The following SLC8B1 variants were observed in gnomAD, a reference collection of about 807,000 sequenced individuals.
SLC8B1 encodes the protein mitochondrial sodium/calcium exchanger protein.
In SLC8B1, 52 loss-of-function variants were observed where a neutral mutation model predicts 63.4. The observed-to-expected ratio is 0.82, with a 90% confidence interval of 0.66 to 1.03. The LOEUF is 1.03. Ranked by LOEUF, SLC8B1 falls within the 50% of genes least tolerant of loss-of-function variation. SLC8B1 has a pLI of 0.00. For missense variants in SLC8B1, 657 were observed against 741.7 expected (o/e 0.89, Z 1.33); for synonymous variants, 336 against 323.9 (o/e 1.04, Z -0.40).
chr12:113,317,345 T>C (rs1356524488), intron 8 of SLC8B1, among the ~76,000 whole-genome samples: 1 of 152,134 alleles, frequency 6.6e-6, no homozygotes, highest in Non-Finnish European at 1.5e-5. Context: ...CGCCTCAGCT[T>C]CCCAAAGTGA....
rs1957077331 is a variant in SLC8B1, at chr12:113,332,950, G to C, written c.-72C>G. 6.4e-7 allele frequency: 1 copy of C among 1,562,192 alleles called. No homozygotes were observed. The highest frequency in any genetic ancestry group is 2.3e-5 in the East Asian group (1 of 44,264). Reference sequence around the variant, plus strand: ...GTAGCTCAGTTCCAAACAGCTGGCGGCTCCGGTGGCCTGCAAGGTGGGAGT... The same window carrying C: ...GTAGCTCAGTTCCAAACAGCTGGCGCCTCCGGTGGCCTGCAAGGTGGGAGT... On this transcript the variant is annotated 5_prime_UTR_variant, in exon 2 of 16. Transcript: ENST00000680972.
chr12:113,315,506 C>T (rs577453194), intron 10 of SLC8B1, 30 bp from the exon 11 acceptor site: 64 of 1,532,174 alleles, frequency 4.2e-5, no homozygotes, highest in South Asian at 1.1e-4. Context: ...GGGAGGGTGT[C>T]GGCAGGGAAG....
In SLC8B1 at chr12:113,334,818, G is replaced by C. The variant is rs1199463821; in HGVS notation, c.-458C>G. The C allele has an allele frequency of 1.3e-5, 2 of 152,226 alleles. No homozygotes were observed. Among genetic ancestry groups the C allele is most frequent in the African/African-American group, 2.4e-5 (1 of 41,446 alleles). 9.4% of individuals were successfully genotyped at this position (152,226 alleles called of 1,614,324 possible). A position where few individuals can be genotyped will look rare whatever the true frequency, so the allele number is the denominator to read the frequency against. On this transcript the variant is annotated 5_prime_UTR_variant, in exon 1 of 16. Transcript: ENST00000680972. ...CTGTACGCGTGGGCCGATGCCCAGC[G>C]CTCGGATGGTCGCCGACCTGCTAAG...
At chr12:113,311,339 A>G (rs1956757891) in intron 11 of SLC8B1, among the ~76,000 whole-genome samples, 1 of 152,172 alleles carries the variant, frequency 6.6e-6, no homozygotes, top group Non-Finnish European at 1.5e-5. Context: ...AGTCCCAGCT[A>G]CTCAGGAGGC....
At chr12:113,327,684 A>G in intron 2 of SLC8B1, among the ~76,000 whole-genome samples, 1 of 150,756 alleles carries the variant, frequency 6.6e-6, no homozygotes, top group Non-Finnish European at 1.5e-5. Flanking sequence ...TCTGTCTCAA[A>G]AAAAAAAAAA....
chr12:113,333,112 T>C (rs1472041821), intron 1 of SLC8B1, among the ~76,000 whole-genome samples, 152 bp from the exon 2 acceptor site: 2 of 152,250 alleles, frequency 1.3e-5, no homozygotes, highest in African/African-American at 2.4e-5. Context: ...ACAGTCTCGC[T>C]GGAGGGGCCC....
chr12:113,302,671 C>T (rs1383724716), intron 15 of SLC8B1: 6 of 456,112 alleles, frequency 1.3e-5, no homozygotes, highest in East Asian at 1.4e-4. Context: ...CGTGGCGTTT[C>T]GTCTTCCCAG....
chr12:113,306,613 C>G, intron 13 of SLC8B1, 38 bp from the exon 14 acceptor site: 1 of 1,550,826 alleles, frequency 6.4e-7, no homozygotes, highest in Non-Finnish European at 8.9e-7. Context: ...TGGTGAGTCG[C>G]TTCCCCCACC....
intron 12 of SLC8B1, among the ~76,000 whole-genome samples, chr12:113,309,667 G>A (rs1956729058): frequency 6.6e-6 from 1 of 152,154 alleles, no homozygotes; most frequent in Admixed American, 6.5e-5. Context: ...GAGGTGGGAG[G>A]ATGGCTTCAG....
chr12:113,334,570 C>T lies in SLC8B1; in HGVS notation c.-210G>A, dbSNP rs1173410064. 3 of 152,236 alleles carry T rather than the reference C, an allele frequency of 2.0e-5. No individual in the cohort carries two copies. The highest frequency in any genetic ancestry group is 4.4e-5 in the Non-Finnish European group (3 of 68,052). 9.4% of individuals were successfully genotyped at this position (152,236 alleles called of 1,614,324 possible). A position where few individuals can be genotyped will look rare whatever the true frequency, so the allele number is the denominator to read the frequency against. On this transcript the variant is annotated 5_prime_UTR_variant, in exon 1 of 16. It adds an upstream start codon to the 5' untranslated region. Coordinates refer to ENST00000680972, the MANE Select transcript of SLC8B1 (RefSeq NM_001358345.2). ...CCTGGTTTCAAATTCGTCTCGGCCA[C>T]TTACTATCTGTGTGGCCTTAAGGAA...
chr12:113,313,976 C>G (rs1956798026), intron 11 of SLC8B1, among the ~76,000 whole-genome samples: 1 of 152,070 alleles, frequency 6.6e-6, no homozygotes, highest in Admixed American at 6.6e-5. Flanking sequence ...TGCCACTGTA[C>G]TCGGGTCTGG....
At chr12:113,325,182 T>A (rs191183978) in intron 2 of SLC8B1, among the ~76,000 whole-genome samples, 107 of 152,318 alleles carry the variant, frequency 7.0e-4, no homozygotes, top group African/African-American at 2.5e-3. Flanking sequence ...ATTACCCCTA[T>A]CTCCACTATT....
At position 113,299,703 on chromosome 12, in the gene SLC8B1, G is replaced by A. The variant is rs183550099; in HGVS notation, c.*74C>T. On this transcript the variant is annotated 3_prime_UTR_variant, in exon 16 of 16. Transcript: ENST00000680972. ...CACAAGGGCCTTGCAGAAATGCTCC[G>A]GTCCCTGGGCCTCCCCCGGCAGGAG... 21 of 1,481,892 alleles carry A rather than the reference G, an allele frequency of 1.4e-5. No individual in the cohort carries two copies. Among genetic ancestry groups the A allele is most frequent in the African/African-American group, 1.2e-4 (9 of 72,196 alleles). The allele number at this position is 1,481,892 out of a possible 1,614,324, so 91.8% of individuals were successfully genotyped here. A position where few individuals can be genotyped will look rare whatever the true frequency, so the allele number is the denominator to read the frequency against.
At chr12:113,314,064 TGAAAGCAAGTCCCTG>T (rs1184375645) in intron 11 of SLC8B1, among the ~76,000 whole-genome samples, 4 of 152,026 alleles carry the variant, frequency 2.6e-5, no homozygotes, top group Non-Finnish European at 2.9e-5. Flanking sequence ...ACAACGCTTG[TGAAAGCAAGTCCCTG>T]GATTTGCCCT....
At chr12:113,301,333 CTTTTTT>C (rs61095726) in intron 15 of SLC8B1, among the ~76,000 whole-genome samples, 1 of 107,620 alleles carries the variant, frequency 9.3e-6, no homozygotes, top group Non-Finnish European at 1.8e-5. Flanking sequence ...CTTTATAAGG[CTTTTTT>C]TTTTTTTTTT....
chr12:113,300,001 T>C, intron 15 of SLC8B1, 27 bp from the exon 16 acceptor site: 1 of 1,604,356 alleles, frequency 6.2e-7, no homozygotes, highest in Non-Finnish European at 8.5e-7. Context: ...GGAGAGAGGC[T>C]GAGTCACTGC....
At chr12:113,311,223 G>T (rs1956755790) in intron 11 of SLC8B1, among the ~76,000 whole-genome samples, 1 of 152,224 alleles carries the variant, frequency 6.6e-6, no homozygotes, top group African/African-American at 2.4e-5. Flanking sequence ...AGCTGAGGCG[G>T]GTGGATCACC....
chr12:113,316,728 T>A (rs1369062627), intron 9 of SLC8B1, 72 bp from the exon 10 acceptor site: 10 of 1,582,624 alleles, frequency 6.3e-6, no homozygotes, highest in Non-Finnish European at 8.6e-6. Flanking sequence ...CCCCGCTCCA[T>A]CCCACCAGTC....
At chr12:113,309,328 C>T (rs1443104661) in intron 12 of SLC8B1, among the ~76,000 whole-genome samples, 1 of 152,132 alleles carries the variant, frequency 6.6e-6, no homozygotes, top group Non-Finnish European at 1.5e-5. Context: ...GCCACCACGC[C>T]CAGCTAATTT....
Sources: gnomAD v4.1 joint callset for allele counts (sites outside exome capture counted in the v4.1 genomes callset) on GRCh38, gnomAD v4.1.1 for gene constraint, MANE v1.5 for transcripts, NCBI Gene and HGNC (gene_info 2026-07-23, HGNC 2026-07-21) for gene names.